ARPP21: variants seen among roughly 807,000 people sequenced by gnomAD.
The protein encoded by ARPP21 is cAMP regulated phosphoprotein 21, also known as cAMP-regulated phosphoprotein 21.
Under a neutral mutation model 113.2 loss-of-function variants are expected in ARPP21, and 69 were observed. That is an observed-to-expected ratio of 0.61 (90% CI 0.50 to 0.74). ARPP21 has a LOEUF of 0.74. ARPP21 is among the 30% of genes least tolerant of loss of function. ARPP21 has a pLI of 0.00. For synonymous variants in ARPP21, 368 were observed against 375.5 expected, an observed-to-expected ratio of 0.98 and a Z score of 0.23; for missense variants, 1,070 against 1,037.4, an observed-to-expected ratio of 1.03 and a Z score of -0.43.
intron 19 of ARPP21, among the ~76,000 whole-genome samples, chr3:35,781,859 T>C (rs2096533688): frequency 6.6e-6 from 1 of 152,162 alleles, no homozygotes; most frequent in Admixed American, 6.6e-5. Context: ...CAAATTCTCC[T>C]TGGAAAACAT....
chr3:35,763,886 G>A (rs369115689), intron 19 of ARPP21, among the ~76,000 whole-genome samples: 2 of 151,942 alleles, frequency 1.3e-5, no homozygotes, highest in Non-Finnish European at 2.9e-5. Flanking sequence ...TTTTCAGGCC[G>A]GGCATGGTAG....
At chr3:35,672,769 T>C (rs999379814) in intron 1 of ARPP21, among the ~76,000 whole-genome samples, 2 of 152,046 alleles carry the variant, frequency 1.3e-5, no homozygotes, top group Middle Eastern at 3.2e-3. Context: ...ACCTGGGGAA[T>C]CCAGTGATTG....
chr3:35,641,330 C>T (rs181166900), intron 1 of ARPP21: 1 of 152,280 alleles, frequency 6.6e-6, no homozygotes, highest in Admixed American at 6.5e-5. Flanking sequence ...TCAAATGATT[C>T]CTAACCCCTC....
chr3:35,694,130 G>A (rs187758224), intron 9 of ARPP21, among the ~76,000 whole-genome samples: 67 of 151,586 alleles, frequency 4.4e-4, no homozygotes, highest in African/African-American at 1.6e-3. Context: ...TAGATGATAG[G>A]CAGGTTAAGT....
chr3:35,790,518 T>A (rs1280396103), intron 19 of ARPP21, among the ~76,000 whole-genome samples: 1 of 152,224 alleles, frequency 6.6e-6, no homozygotes, highest in African/African-American at 2.4e-5. Context: ...CTGCAATTAA[T>A]GTGAAAATAA....
chr3:35,766,343 C>T (rs1052929205), intron 19 of ARPP21, among the ~76,000 whole-genome samples: 5 of 152,002 alleles, frequency 3.3e-5, no homozygotes, highest in South Asian at 2.1e-4. Flanking sequence ...CATGGAGGTG[C>T]CAATCTCTTT....
intron 19 of ARPP21, among the ~76,000 whole-genome samples, chr3:35,765,196 T>C (rs968748535): frequency 1.3e-5 from 2 of 152,140 alleles, no homozygotes; most frequent in African/African-American, 4.8e-5. Flanking sequence ...TGTTGTTACC[T>C]TAAATATCCT....
At chr3:35,757,061 T>G (rs571940807) in intron 19 of ARPP21, among the ~76,000 whole-genome samples, 3 of 143,948 alleles carry the variant, frequency 2.1e-5, no homozygotes, top group Admixed American at 2.1e-4. Flanking sequence ...TTGAAGTGCC[T>G]TTTAGTGATT....
At chr3:35,706,412 G>A (rs17033701) in intron 9 of ARPP21, among the ~76,000 whole-genome samples, 3,688 of 152,236 alleles carry the variant, frequency 0.024, 162 homozygotes, top group African/African-American at 0.084. Flanking sequence ...TTACTGAACC[G>A]ATTTACAAGA....
Position 35,726,830 on chromosome 3 carries a change from G to A in ARPP21, c.1226-2473G>A, listed in dbSNP as rs539718325. Among the ~76,000 whole-genome samples the A allele has an allele frequency of 4.6e-5, 7 of 152,274 alleles. No individual in the cohort carries two copies. The South Asian group carries it at 1.5e-3, about 32-fold the overall frequency. ...GCCTAGCCCCTCAGTCTGGAGATGA[G>A]CTGAATCATGTTTGCATAACATTAA... On this transcript the variant is annotated intron_variant, in intron 14 of 20. Coordinates refer to ENST00000684406, the MANE Select transcript of ARPP21 (RefSeq NM_001385562.1).
At chr3:35,689,406 C>T in intron 7 of ARPP21, 21 bp downstream of exon 7, 3 of 1,155,792 alleles carry the variant, frequency 2.6e-6, no homozygotes, top group Non-Finnish European at 3.9e-6. Flanking sequence ...AAATGAGCCT[C>T]TTATTTTTAG....
chr3:35,768,431 T>C (rs1365837958), intron 19 of ARPP21, among the ~76,000 whole-genome samples: 4 of 152,164 alleles, frequency 2.6e-5, no homozygotes, highest in African/African-American at 9.7e-5. Flanking sequence ...ACATATAGTC[T>C]AAATTCTTTT....
chr3:35,789,895 A>C (rs1247103820), intron 19 of ARPP21, among the ~76,000 whole-genome samples: 1 of 152,232 alleles, frequency 6.6e-6, no homozygotes, highest in Non-Finnish European at 1.5e-5. Flanking sequence ...TTGGTTTAGA[A>C]GATGGTGTGT....
intron 9 of ARPP21, among the ~76,000 whole-genome samples, chr3:35,703,090 A>T (rs2087109471): frequency 6.6e-6 from 1 of 151,862 alleles, no homozygotes. Flanking sequence ...GACTCTACAT[A>T]TTCAGTAGAA....
chr3:35,766,847 G>GTC (rs1179104536), intron 19 of ARPP21, among the ~76,000 whole-genome samples: 1 of 152,110 alleles, frequency 6.6e-6, no homozygotes, highest in Non-Finnish European at 1.5e-5. Context: ...GTGTGTGTGT[G>GTC]TGTGTACATG....
intron 1 of ARPP21, among the ~76,000 whole-genome samples, chr3:35,662,842 A>T (rs1184628606): frequency 2.6e-5 from 4 of 152,180 alleles, no homozygotes; most frequent in Admixed American, 1.3e-4. Flanking sequence ...GCATATTCTC[A>T]CTTGTATCTG....
chr3:35,710,522 C>T (rs2090738210), intron 11 of ARPP21, among the ~76,000 whole-genome samples: 3 of 144,134 alleles, frequency 2.1e-5, no homozygotes, highest in Non-Finnish European at 1.5e-5. Context: ...TTCTCTCTCT[C>T]TTGCTCTCTC....
chr3:35,752,642 A>G (rs899633824), intron 19 of ARPP21, among the ~76,000 whole-genome samples: 3 of 152,054 alleles, frequency 2.0e-5, no homozygotes, highest in African/African-American at 7.2e-5. Context: ...ATCTTGTTAA[A>G]ATGCATTTCA....
chr3:35,687,736 C>G lies in ARPP21; in HGVS notation c.262-3C>G, dbSNP rs777884993. On this transcript the variant is annotated splice_region_variant and splice_polypyrimidine_tract_variant and intron_variant, in intron 5 of 20. Transcript: ENST00000684406. ...CTAAATTATTATATTTTTTCCCCAA[C>G]AGGAATCAATTCATTTACAGCTTTC... 1 of 1,596,960 alleles carries G rather than the reference C, an allele frequency of 6.3e-7. No individual in the cohort carries two copies. The highest frequency in any genetic ancestry group is 1.8e-5 in the Admixed American group (1 of 56,478).
Sources: gnomAD v4.1 joint callset for allele counts (sites outside exome capture counted in the v4.1 genomes callset) on GRCh38, gnomAD v4.1.1 for gene constraint, MANE v1.5 for transcripts, NCBI Gene and HGNC (gene_info 2026-07-23, HGNC 2026-07-21) for gene names.